The following TTC7A variants were observed in gnomAD, a reference collection of about 807,000 sequenced individuals.
TTC7A encodes the protein tetratricopeptide repeat domain 7A.
A neutral mutation model predicts 103.7 loss-of-function variants in TTC7A; 110 were observed. The observed-to-expected ratio is 1.06, with a 90% CI of 0.91 to 1.24. TTC7A has a LOEUF of 1.24. TTC7A is among the 50% of genes most tolerant of loss of function. The pLI is 0.00. For missense variants in TTC7A, 1,340 were observed against 1,116.3 expected, an observed-to-expected ratio of 1.20 and a Z score of -2.86; for synonymous variants, 521 against 467.9, an observed-to-expected ratio of 1.11 and a Z score of -1.47.
intron 11 of TTC7A, among the ~76,000 whole-genome samples, chr2:47,014,994 C>T (rs1001118856): frequency 6.6e-6 from 1 of 152,232 alleles, no homozygotes; most frequent in African/African-American, 2.4e-5. Context: ...TGCATGGTCA[C>T]GTGCTGGCTG....
intron 18 of TTC7A, among the ~76,000 whole-genome samples, chr2:47,053,525 G>GGTTTTTTTGTTT (rs1305610082): frequency 8.0e-6 from 1 of 124,532 alleles, no homozygotes; most frequent in East Asian, 2.6e-4. Context: ...GTTTTTGGTG[G>GGTTTTTTTGTTT]GTTTTTTTGT....
chr2:46,989,839 T>TGC (rs1406644930), intron 5 of TTC7A, among the ~76,000 whole-genome samples: 1 of 138,618 alleles, frequency 7.2e-6, no homozygotes, highest in East Asian at 1.9e-4. Flanking sequence ...TGTGTGTGTG[T>TGC]GCATCTGTGT....
chr2:46,983,526 C>T (rs1572810709), intron 5 of TTC7A, among the ~76,000 whole-genome samples: 3 of 152,158 alleles, frequency 2.0e-5, no homozygotes, highest in East Asian at 1.9e-4. Context: ...AAAGAGAGGC[C>T]GTCCTCAGCT....
rs371562136 is a variant in TTC7A at position 46,923,552 on chromosome 2, T to C, written c.82+6275T>C. ...TGTGAAAGTATCAGACCTGTCTCTT[T>C]ACTCTTTTTAACACAAAATTTCTTC... On this transcript the variant is annotated intron_variant, in intron 2 of 20. Transcript: ENST00000409245. 3.3e-5 allele frequency among the ~76,000 whole-genome samples: 5 copies of C among 152,136 alleles called. No homozygotes were observed. The East Asian group carries it at 5.8e-4, about 18-fold the overall frequency.
intron 15 of TTC7A, among the ~76,000 whole-genome samples, chr2:47,043,311 C>T (rs116600404): frequency 5.2e-4 from 79 of 152,282 alleles, no homozygotes; most frequent in African/African-American, 1.9e-3. Flanking sequence ...ATCAGGAAGG[C>T]TGTCTTAGAG....
intron 2 of TTC7A, among the ~76,000 whole-genome samples, chr2:46,924,880 G>A (rs1317889874): frequency 6.6e-6 from 1 of 152,248 alleles, no homozygotes; most frequent in Non-Finnish European, 1.5e-5. Context: ...GCCTGCCTTG[G>A]CCTTCCAGAG....
intron 8 of TTC7A, among the ~76,000 whole-genome samples, chr2:47,000,830 G>C (rs753113417): frequency 5.9e-5 from 9 of 152,166 alleles, no homozygotes; most frequent in Non-Finnish European, 8.8e-5. Context: ...TTGTTGCCCA[G>C]GGAGCATGTT....
At chr2:46,966,568 G>A (rs1256172027) in intron 3 of TTC7A, among the ~76,000 whole-genome samples, 2 of 148,632 alleles carry the variant, frequency 1.3e-5, no homozygotes, top group Non-Finnish European at 3.0e-5. Flanking sequence ...GTGAAGTCCC[G>A]TCATTGGACC....
intron 11 of TTC7A, among the ~76,000 whole-genome samples, chr2:47,016,306 G>C (rs1678652477): frequency 6.6e-6 from 1 of 152,208 alleles, no homozygotes; most frequent in African/African-American, 2.4e-5. Flanking sequence ...CCTCCAGAGG[G>C]TAGCTGTGAA....
At chr2:46,999,057 A>G (rs1041345883) in intron 8 of TTC7A, among the ~76,000 whole-genome samples, 2 of 152,040 alleles carry the variant, frequency 1.3e-5, no homozygotes, top group Non-Finnish European at 2.9e-5. Context: ...CCACTTTACC[A>G]TTTATCCTTC....
At position 46,941,352 on chromosome 2, in the gene TTC7A, TG is replaced by T. The variant is rs1670347336; in HGVS notation, c.-187del. On this transcript the variant is annotated 5_prime_UTR_variant, in exon 1 of 20. Transcript: ENST00000319190. The surrounding 1 kb of genome is among the most constrained non-coding windows in gnomAD (Gnocchi z 4.2). ...AGCCCGGAGGCGCCGGGCGGTGCGCTGGGAGCTGCTGGTGCTGCTGCTGCTG... is the reference window on the plus strand; with the variant it reads ...AGCCCGGAGGCGCCGGGCGGTGCGCTGGAGCTGCTGGTGCTGCTGCTGCTG... The T allele has an allele frequency of 6.2e-6, 2 of 322,370 alleles. No homozygotes were observed. The highest frequency in any genetic ancestry group is 9.7e-6 in the Non-Finnish European group (2 of 205,830). 20.0% of individuals were successfully genotyped at this position (322,370 alleles called of 1,614,324 possible). A position where few individuals can be genotyped will look rare whatever the true frequency, so the allele number is the denominator to read the frequency against.
At chr2:47,006,816 T>A in intron 10 of TTC7A, 92 bp downstream of exon 10, 1 of 1,055,042 alleles carries the variant, frequency 9.5e-7, no homozygotes, top group Non-Finnish European at 1.5e-6. Context: ...GGGGAGTGGG[T>A]GGGTATTATC....
chr2:47,073,991 T>C lies in TTC7A; in HGVS notation c.*68T>C. 1 of 1,342,722 alleles carries C rather than the reference T, an allele frequency of 7.4e-7. No homozygotes were observed. Among genetic ancestry groups the C allele is most frequent in the South Asian group, 1.3e-5 (1 of 79,706 alleles). 83.2% of individuals were successfully genotyped at this position (1,342,722 alleles called of 1,614,324 possible). ...AGGCAGCAGGGAACGTGGGTCAGGG[T>C]GGGGCAACAGTGGCATCAGGTGCGG... is the stretch of plus-strand genomic sequence containing the variant. On this transcript the variant is annotated 3_prime_UTR_variant, in exon 20 of 20. Transcript: ENST00000319190.
At chr2:47,013,637 A>G (rs2104499581) in intron 11 of TTC7A, among the ~76,000 whole-genome samples, 1 of 152,352 alleles carries the variant, frequency 6.6e-6, no homozygotes, top group South Asian at 2.1e-4. Flanking sequence ...CCCACCATGC[A>G]GGAGCTGTTT....
At chr2:46,940,054 G>A (rs546804402), upstream of TTC7A, among the ~76,000 whole-genome samples, 1 of 152,204 alleles carries the variant, frequency 6.6e-6, no homozygotes, top group African/African-American at 2.4e-5. The surrounding 1 kb of genome is among the most constrained non-coding windows in gnomAD (Gnocchi z 4.7). Context: ...CATGGGAGTC[G>A]GGGGTCAGTG....
intron 2 of TTC7A, among the ~76,000 whole-genome samples, chr2:46,921,619 C>CT (rs1424703759): frequency 6.6e-6 from 1 of 152,260 alleles, no homozygotes; most frequent in South Asian, 2.1e-4. Flanking sequence ...TCATTAAACT[C>CT]TATCAACAAA....
Position 47,024,145 on chromosome 2 carries a change from C to T in TTC7A, c.1569-142C>T, listed in dbSNP as rs149180117. 7.6e-4 allele frequency: 507 copies of T among 663,164 alleles called. 1 individual carries two copies. In the African/African-American group the frequency reaches 8.8e-3, roughly 11 times the overall value. The allele number at this position is 663,164 out of a possible 1,614,324, so 41.1% of individuals were successfully genotyped here. On this transcript the variant is annotated intron_variant, in intron 13 of 19. Coordinates refer to ENST00000319190, the MANE Select transcript of TTC7A (RefSeq NM_020458.4). ...TTGGTCTTCATCTGCCAGCTGGATG[C>T]CCCTCTGAGGCAGAGCCTGGCAGAA...
At chr2:47,023,048 T>A (rs141834284) in intron 12 of TTC7A, among the ~76,000 whole-genome samples, 4 of 152,334 alleles carry the variant, frequency 2.6e-5, no homozygotes, top group African/African-American at 4.8e-5. Context: ...GGGTTCAAAC[T>A]TCCTAGTGGG....
intron 2 of TTC7A, among the ~76,000 whole-genome samples, chr2:46,930,225 G>A (rs1041490458): frequency 4.0e-5 from 6 of 151,792 alleles, no homozygotes; most frequent in Admixed American, 3.3e-4. Context: ...ACAAAAACTG[G>A]TTCTTTTTTC....
Sources: gnomAD v4.1 joint callset for allele counts (sites outside exome capture counted in the v4.1 genomes callset) on GRCh38, gnomAD v4.1.1 for gene constraint, Gnocchi (gnomAD v3.1) non-coding constraint, MANE v1.5 for transcripts, NCBI Gene and HGNC (gene_info 2026-07-23, HGNC 2026-07-21) for gene names.